Variants in MOV10L1 observed in about 807,000 individuals in gnomAD.
The protein encoded by MOV10L1 is Mov10 like RNA helicase 1.
A neutral mutation model predicts 143.8 loss-of-function variants in MOV10L1; 110 were observed. The ratio of observed to expected loss-of-function variants is 0.76; its 90% CI spans 0.66 to 0.90. The LOEUF is 0.90. Ranked by LOEUF, MOV10L1 falls within the 40% of genes least tolerant of loss-of-function variation. The pLI is 0.00. For missense variants in MOV10L1, 1,406 were observed against 1,526.8 expected (o/e 0.92, Z 1.32); for synonymous variants, 593 against 581.1 (o/e 1.02, Z -0.29).
chr22:50,146,598 G>T (rs1210622916), intron 19 of MOV10L1, among the ~76,000 whole-genome samples: 1 of 152,002 alleles, frequency 6.6e-6, no homozygotes, highest in Middle Eastern at 3.2e-3. Flanking sequence ...CCTCCCTGAC[G>T]GCCTGGAGAC....
chr22:50,118,701 T>C (rs1366491360), intron 9 of MOV10L1, among the ~76,000 whole-genome samples: 1 of 152,190 alleles, frequency 6.6e-6, no homozygotes, highest in Non-Finnish European at 1.5e-5. Flanking sequence ...CCCTTCATGC[T>C]ACCTCATGGG....
chr22:50,115,893 G>C (rs2062160082), intron 8 of MOV10L1, among the ~76,000 whole-genome samples: 1 of 152,200 alleles, frequency 6.6e-6, no homozygotes, highest in Non-Finnish European at 1.5e-5. Flanking sequence ...ACAGCACAGT[G>C]TGCTGAGGGA....
chr22:50,117,180 T>A lies in MOV10L1; in HGVS notation c.1283T>A (p.Leu428His), dbSNP rs1440184340. ...AGAAATCCTGGCCGCTGCAAGGAGC[T>A]CCTTTTGCTCTGTTTTTCCGATTTC... is the stretch of plus-strand genomic sequence containing the variant. Reference protein sequence around the residue: ...DGKNPGRCKELLLLCFSDFLI... With the variant: ...DGKNPGRCKEHLLLCFSDFLI... Residue 428 changes from leucine to histidine, a missense_variant, in exon 9 of 27, where the codon CTC becomes CAC. Leu to His is a moderately conservative substitution (Grantham distance 99). This residue lies in a region of MOV10L1 where 1,233 missense variants were observed against 1,351.4 expected (regional missense o/e 0.91). Coordinates refer to ENST00000262794, the MANE Select transcript of MOV10L1 (RefSeq NM_018995.3). 5 of 1,608,010 alleles carry A rather than the reference T, an allele frequency of 3.1e-6. No homozygotes were observed. The highest frequency in any genetic ancestry group is 4.2e-6 in the Non-Finnish European group (5 of 1,177,488).
intron 13 of MOV10L1, among the ~76,000 whole-genome samples, chr22:50,131,931 C>T (rs898755557): frequency 1.7e-4 from 26 of 152,128 alleles, no homozygotes; most frequent in Middle Eastern, 3.2e-3. Context: ...CTCTGGAGGT[C>T]AGGAAGCCCA....
At chr22:50,093,798 A>G (rs1313996841) in intron 2 of MOV10L1, 1 of 152,272 alleles carries the variant, frequency 6.6e-6, no homozygotes, top group Non-Finnish European at 1.5e-5. Context: ...GGCATGAGCC[A>G]CCATGCCTGG....
intron 15 of MOV10L1, among the ~76,000 whole-genome samples, chr22:50,135,036 C>G (rs1440281032): frequency 3.3e-5 from 5 of 149,922 alleles, no homozygotes; most frequent in African/African-American, 1.2e-4. Context: ...TTTTTTGAGA[C>G]AGAGTCTCGC....
In MOV10L1 at chr22:50,114,084, A is replaced by C. The variant is rs367745077; in HGVS notation, c.884+296A>C. Among the ~76,000 whole-genome samples the C allele has an allele frequency of 4.7e-4, 70 of 150,480 alleles. 1 individual carries two copies. The East Asian group carries it at 9.0e-3, about 19-fold the overall frequency. ...CAGGCGCCCGCCACCACGCCCGGCT[A>C]ATTTTTTGTATTTTTAGTAGAGACG... is the stretch of plus-strand genomic sequence containing the variant. On this transcript the variant is annotated intron_variant, in intron 6 of 26. Transcript: ENST00000262794.
In MOV10L1 at chr22:50,160,809, C is replaced by A; in HGVS notation, c.3446C>A (p.Pro1149His). 1 of 1,614,010 alleles carries A rather than the reference C, an allele frequency of 6.2e-7. No homozygotes were observed. Among genetic ancestry groups the A allele is most frequent in the Non-Finnish European group, 8.5e-7 (1 of 1,179,984 alleles). ...GCTTTGCTGATAGTGCTGGGAAACC[C>A]CCATGTTCTCGTTCGAGTGAGTTTT... ...PKALLIVLGN[P>H]HVLVRDPCFG... Residue 1149 changes from proline (P) to histidine (H), a missense_variant, in exon 25 of 27, where the codon CCC (proline) becomes CAC (histidine). Around this residue, in one of 3 missense-constraint regions of MOV10L1, gnomAD observed 1,233 missense variants for 1,351.4 expected, o/e 0.91. Coordinates refer to ENST00000262794, the MANE Select transcript of MOV10L1 (RefSeq NM_018995.3).
At chr22:50,153,705 C>A (rs1332736828) in intron 22 of MOV10L1, among the ~76,000 whole-genome samples, 1 of 152,242 alleles carries the variant, frequency 6.6e-6, no homozygotes, top group Non-Finnish European at 1.5e-5. Context: ...GGCCACCACC[C>A]CCTCTCCAAG....
chr22:50,131,623 A>G (rs971548450), intron 13 of MOV10L1, among the ~76,000 whole-genome samples: 1 of 152,070 alleles, frequency 6.6e-6, no homozygotes, highest in Non-Finnish European at 1.5e-5. Flanking sequence ...TTTGTGGGGT[A>G]TGAATGGAAA....
chr22:50,114,209 G>C (rs1040529630), intron 6 of MOV10L1, among the ~76,000 whole-genome samples, 172 bp from the exon 7 acceptor site: 2 of 152,046 alleles, frequency 1.3e-5, no homozygotes, highest in Non-Finnish European at 1.5e-5. Flanking sequence ...GAGACACCAC[G>C]CCCGGCATGA....
rs776757686 is a variant in MOV10L1, at chr22:50,158,269, G to A, written c.3216+63G>A. 6.3e-7 allele frequency: 1 copy of A among 1,595,620 alleles called. No homozygotes were observed. The highest frequency in any genetic ancestry group is 8.6e-7 in the Non-Finnish European group (1 of 1,167,520). The stretch of plus-strand genomic sequence containing the variant: ...CCTGCAGCCCTGCTCCTTGGCTCCT[G>A]CAGCTCCACAGAGGCAGGAACAAGC... On this transcript the variant is annotated intron_variant, in intron 23 of 26. Transcript: ENST00000262794. The surrounding 1 kb of genome is among the most constrained non-coding windows in gnomAD (Gnocchi z 5.0).
rs963631884 is a variant in MOV10L1 at position 50,091,994 on chromosome 22, A to C, written c.98-7A>C. On this transcript the variant is annotated splice_polypyrimidine_tract_variant and splice_region_variant and intron_variant, in intron 1 of 26. Transcript: ENST00000262794. ...GCCAAGATAACTTCTTTGTTTACCTACCTCAGGTGACACTAAGCTGAAAAC... is the reference window on the plus strand; with the variant it reads ...GCCAAGATAACTTCTTTGTTTACCTCCCTCAGGTGACACTAAGCTGAAAAC... 21 of 1,610,080 alleles carry C rather than the reference A, an allele frequency of 1.3e-5. No homozygotes were observed. The highest frequency in any genetic ancestry group is 1.8e-5 in the Non-Finnish European group (21 of 1,178,050).
At chr22:50,148,955 C>T (rs912668233) in intron 19 of MOV10L1, among the ~76,000 whole-genome samples, 8 of 152,230 alleles carry the variant, frequency 5.3e-5, no homozygotes, top group East Asian at 1.9e-4. Flanking sequence ...TGAGCCACTG[C>T]GCCCGACCAA....
At chr22:50,108,911 G>C in intron 5 of MOV10L1, 67 bp downstream of exon 5, 1 of 1,473,690 alleles carries the variant, frequency 6.8e-7, no homozygotes, top group Non-Finnish European at 9.3e-7. Flanking sequence ...TTGGGAGGCT[G>C]AGGCAGACGG....
chr22:50,133,696 A>G (rs2062742129), intron 13 of MOV10L1, among the ~76,000 whole-genome samples: 1 of 151,924 alleles, frequency 6.6e-6, no homozygotes, highest in Admixed American at 6.6e-5. Flanking sequence ...GTGCACCACC[A>G]CTATGCCTGG....
intron 10 of MOV10L1, 127 bp downstream of exon 10, chr22:50,120,743 A>T (rs1183364758): frequency 2.9e-6 from 2 of 696,498 alleles, no homozygotes; most frequent in Admixed American, 5.1e-5. Flanking sequence ...GGTAGCTGGG[A>T]TAACGAGGGT....
chr22:50,131,223 A>G (rs1252011806), intron 13 of MOV10L1, among the ~76,000 whole-genome samples: 1 of 151,998 alleles, frequency 6.6e-6, no homozygotes, highest in Admixed American at 6.6e-5. Context: ...ACATCTTTTT[A>G]TGTGCTTTTT....
At chr22:50,099,735 C>A in intron 3 of MOV10L1, 133 bp downstream of exon 3, 2 of 1,100,202 alleles carry the variant, frequency 1.8e-6, no homozygotes, top group Non-Finnish European at 2.5e-6. Flanking sequence ...ATCGCTTGAG[C>A]CCAGGAGTTG....
Sources: allele counts gnomAD v4.1 joint callset (sites outside exome capture counted in the v4.1 genomes callset), GRCh38; gene constraint gnomAD v4.1.1; regional missense constraint gnomAD v4.1.1; non-coding constraint Gnocchi (gnomAD v3.1); transcripts MANE v1.5; gene names NCBI Gene and HGNC (gene_info 2026-07-23, HGNC 2026-07-21).